Variants in ATP4A observed in about 807,000 individuals in gnomAD.
ATP4A encodes the protein ATPase H+/K+ transporting subunit alpha.
In ATP4A, 73 loss-of-function variants were observed where a neutral mutation model predicts 112.1. The ratio of observed to expected loss-of-function variants is 0.65; its 90% CI spans 0.54 to 0.79. The LOEUF (loss-of-function observed/expected upper bound fraction) is 0.79. ATP4A is among the 30% of genes least tolerant of loss of function. ATP4A has a pLI of 0.00. For synonymous variants in ATP4A, 588 were observed against 588.9 expected, an observed-to-expected ratio of 1.00 and a Z score of 0.02; for missense variants, 1,081 against 1,425.9, an observed-to-expected ratio of 0.76 and a Z score of 3.90.
At position 35,555,869 on chromosome 19, in the gene ATP4A, C is replaced by A; in HGVS notation, c.1870-57G>T. On this transcript the variant is annotated intron_variant, in intron 12 of 21. Transcript: ENST00000262623. This position sits in a 1 kb window ranked among gnomAD's most constrained non-coding sequence, Gnocchi z 6.6. ...TTCAGATCAGCCCAATCTCCCTGTCCTCCCTGGGAGACATCTGCTGATACA... is the reference window on the plus strand; with the variant it reads ...TTCAGATCAGCCCAATCTCCCTGTCATCCCTGGGAGACATCTGCTGATACA... 6.5e-7 allele frequency: 1 copy of A among 1,549,952 alleles called. No homozygotes were observed. The highest frequency in any genetic ancestry group is 8.8e-7 in the Non-Finnish European group (1 of 1,141,870).
rs2071603579 is a variant in ATP4A at position 35,551,772 on chromosome 19, G to A, written c.2752-192C>T. Among the ~76,000 whole-genome samples, 1 of 152,140 alleles carries A rather than the reference G, an allele frequency of 6.6e-6. No homozygotes were observed. Among genetic ancestry groups the A allele is most frequent in the South Asian group, 2.1e-4 (1 of 4,828 alleles). On this transcript the variant is annotated intron_variant, in intron 18 of 21. Transcript: ENST00000262623. This position sits in a 1 kb window ranked among gnomAD's most constrained non-coding sequence, Gnocchi z 5.2. Reference sequence around the variant, plus strand: ...AGGTGTGCAGGACCCCAGAACGTGGGGCCCAGAAACCTCAGCCTAGCAGAG... The same window carrying A: ...AGGTGTGCAGGACCCCAGAACGTGGAGCCCAGAAACCTCAGCCTAGCAGAG...
Position 35,555,770 on chromosome 19 carries a change from T to C in ATP4A, c.1912A>G (p.Ile638Val). The C allele has an allele frequency of 1.9e-6, 3 of 1,613,806 alleles. No homozygotes were observed. The highest frequency in any genetic ancestry group is 2.5e-6 in the Non-Finnish European group (3 of 1,179,752). ...TGDHPITAKA[I>V]AASVGIISEG... is the part of the protein sequence containing the mutation. ...GAGATGATGCCCACACTGGCTGCAA[T>C]GGCCTTGGCGGTGATGGGGTGGTCA... Residue 638 changes from isoleucine (I) to valine (V), a missense_variant, in exon 13 of 22, where the codon ATT (isoleucine) becomes GTT (valine). Physicochemically the swap from Ile to Val is conservative, Grantham distance 29. This residue lies in a region of ATP4A where 850 missense variants were observed against 1,068.2 expected (regional missense o/e 0.80). Transcript: ENST00000262623. This position sits in a 1 kb window ranked among gnomAD's most constrained non-coding sequence, Gnocchi z 6.6.
chr19:35,559,871 C>CGGG lies in ATP4A; in HGVS notation c.989_990insCCC (p.Arg330_Ala331insPro), dbSNP rs758752439. ...CGATGGCCATGAAGAAGACCATGGC[C>CGGG]CGCAGGAAGGTGTAGCCAATGCACA... On this transcript the variant is annotated inframe_insertion, in exon 7 of 22. Coordinates refer to ENST00000262623, the MANE Select transcript of ATP4A (RefSeq NM_000704.3). The surrounding 1 kb of genome is among the most constrained non-coding windows in gnomAD (Gnocchi z 4.1). 6.2e-7 allele frequency: 1 copy of CGGG among 1,614,192 alleles called. No homozygotes were observed.
In ATP4A at chr19:35,550,953, A is replaced by G; in HGVS notation, c.2988-28T>C. ...GAAGGCACATGGCAAGGTGAAGGCC[A>G]TCCCAGGCCTGTGCCCTACAGCCCC... On this transcript the variant is annotated intron_variant, in intron 20 of 21. Transcript: ENST00000262623. The surrounding 1 kb of genome is among the most constrained non-coding windows in gnomAD (Gnocchi z 4.1). The G allele has an allele frequency of 6.2e-7, 1 of 1,613,618 alleles. No individual in the cohort carries two copies.
chr19:35,551,141 T>G lies in ATP4A; in HGVS notation c.2886-30A>C. On this transcript the variant is annotated intron_variant, in intron 19 of 21. Transcript: ENST00000262623. The surrounding 1 kb of genome is among the most constrained non-coding windows in gnomAD (Gnocchi z 5.2). ...GGGTGGGCAGAATGGGACAGGCCAT[T>G]AGGAATTGGGGACGTGATGGAAATC... 1 of 1,576,028 alleles carries G rather than the reference T, an allele frequency of 6.3e-7. No homozygotes were observed. The highest frequency in any genetic ancestry group is 2.3e-5 in the East Asian group (1 of 42,906).
chr19:35,553,983 C>G, intron 16 of ATP4A, 154 bp from the exon 17 acceptor site: 5 of 1,130,190 alleles, frequency 4.4e-6, no homozygotes, highest in Non-Finnish European at 6.0e-6. Flanking sequence ...GCCTGGACAG[C>G]CTGGGCCCCA....
intron 3 of ATP4A, 34 bp from the exon 4 acceptor site, chr19:35,562,672 G>A (rs775259150): frequency 2.1e-5 from 33 of 1,545,342 alleles, no homozygotes; most frequent in Non-Finnish European, 2.8e-5. Flanking sequence ...GCGGTCCTGG[G>A]GGCTTTCCTC....
At position 35,550,959 on chromosome 19, in the gene ATP4A, G is replaced by C. The variant is rs964860973; in HGVS notation, c.2988-34C>G. ...ACATGGCAAGGTGAAGGCCATCCCA[G>C]GCCTGTGCCCTACAGCCCCCTCCCT... is the stretch of plus-strand genomic sequence containing the variant. On this transcript the variant is annotated intron_variant, in intron 20 of 21. Transcript: ENST00000262623. This position sits in a 1 kb window ranked among gnomAD's most constrained non-coding sequence, Gnocchi z 4.1. 1.2e-6 allele frequency: 2 copies of C among 1,613,426 alleles called. No homozygotes were observed. The highest frequency in any genetic ancestry group is 1.3e-5 in the African/African-American group (1 of 74,940).
chr19:35,560,146 GACAGCCAGTC>G lies in ATP4A; in HGVS notation c.788-83_788-74del. On this transcript the variant is annotated intron_variant, in intron 6 of 21. Coordinates refer to ENST00000262623, the MANE Select transcript of ATP4A (RefSeq NM_000704.3). This position sits in a 1 kb window ranked among gnomAD's most constrained non-coding sequence, Gnocchi z 5.1. ...GTGTGCACTGCCGTGTGAGCTGAAG[GACAGCCAGTC>G]ACTGCCAGTGGAGGATGTGACCTGG... 1 of 1,579,862 alleles carries G rather than the reference GACAGCCAGTC, an allele frequency of 6.3e-7. No individual in the cohort carries two copies. Among genetic ancestry groups the G allele is most frequent in the Non-Finnish European group, 8.6e-7 (1 of 1,160,506 alleles).
In ATP4A at chr19:35,550,376, C is replaced by T. The variant is rs896903856; in HGVS notation, c.*239G>A. On this transcript the variant is annotated 3_prime_UTR_variant, in exon 22 of 22. Coordinates refer to ENST00000262623, the MANE Select transcript of ATP4A (RefSeq NM_000704.3). The surrounding 1 kb of genome is among the most constrained non-coding windows in gnomAD (Gnocchi z 4.1). ...CCGCCACCACAGGTGGCGGCTTTCC[C>T]GAGGCCAGCCCAGAGGACTGCCCAG... 8.7e-6 allele frequency: 5 copies of T among 575,406 alleles called. No homozygotes were observed. The highest frequency in any genetic ancestry group is 8.4e-5 in the South Asian group (4 of 47,768). 35.6% of individuals were successfully genotyped at this position (575,406 alleles called of 1,614,324 possible).
At chr19:35,554,089 T>C (rs1261208013) in intron 16 of ATP4A, among the ~76,000 whole-genome samples, 1 of 152,236 alleles carries the variant, frequency 6.6e-6, no homozygotes, top group Non-Finnish European at 1.5e-5. Context: ...TCTCTGTTCC[T>C]CACTCTGTTT....
In ATP4A at chr19:35,551,190, T is replaced by A; in HGVS notation, c.2886-79A>T. On this transcript the variant is annotated intron_variant, in intron 19 of 21. Coordinates refer to ENST00000262623, the MANE Select transcript of ATP4A (RefSeq NM_000704.3). The surrounding 1 kb of genome is among the most constrained non-coding windows in gnomAD (Gnocchi z 5.2). The stretch of plus-strand genomic sequence containing the variant: ...TCAGGATACTGTGGGTCAAAGTAGG[T>A]CAGATGTCAGCAGCAGCAGGGAGGT... The A allele has an allele frequency of 7.1e-7, 1 of 1,407,712 alleles. No homozygotes were observed. The highest frequency in any genetic ancestry group is 1.2e-5 in the South Asian group (1 of 80,432). The allele number at this position is 1,407,712 out of a possible 1,614,324, so 87.2% of individuals were successfully genotyped here. A position where few individuals can be genotyped will look rare whatever the true frequency, so the allele number is the denominator to read the frequency against.
At position 35,550,128 on chromosome 19, in the gene ATP4A, T is replaced by G. The variant is rs2733744; in HGVS notation, c.*487A>C. The G allele has an allele frequency of 0.11, 20,424 of 183,352 alleles. 1,414 individuals carry two copies. Among genetic ancestry groups the G allele is most frequent in the Middle Eastern group, 0.15 (60 of 402 alleles). The allele number at this position is 183,352 out of a possible 1,614,324, so 11.4% of individuals were successfully genotyped here. ...TGCAGCCCTGGATAAACAGCCCCCATGTACAGGACTGTGGGAGATCACAAG... is the reference window on the plus strand; with the variant it reads ...TGCAGCCCTGGATAAACAGCCCCCAGGTACAGGACTGTGGGAGATCACAAG... On this transcript the variant is annotated 3_prime_UTR_variant, in exon 22 of 22. Coordinates refer to ENST00000262623, the MANE Select transcript of ATP4A (RefSeq NM_000704.3). The surrounding 1 kb of genome is among the most constrained non-coding windows in gnomAD (Gnocchi z 4.1).
In ATP4A at chr19:35,560,223, T is replaced by C; in HGVS notation, c.787+140A>G. ...TGGGAGACAGAGAAGCAGTGTGCCC[T>C]GGGGAGGTGGCAGTCACGGGGAGGT... On this transcript the variant is annotated intron_variant, in intron 6 of 21. Transcript: ENST00000262623. This position sits in a 1 kb window ranked among gnomAD's most constrained non-coding sequence, Gnocchi z 5.1. 6.6e-7 allele frequency: 1 copy of C among 1,523,322 alleles called. No homozygotes were observed. Among genetic ancestry groups the C allele is most frequent in the Non-Finnish European group, 8.9e-7 (1 of 1,124,998 alleles). The allele number at this position is 1,523,322 out of a possible 1,614,324, so 94.4% of individuals were successfully genotyped here. A position where few individuals can be genotyped will look rare whatever the true frequency, so the allele number is the denominator to read the frequency against.
Position 35,558,543 on chromosome 19 carries a change from T to C in ATP4A, c.1365+34A>G. The C allele has an allele frequency of 1.9e-6, 3 of 1,590,130 alleles. No homozygotes were observed. Among genetic ancestry groups the C allele is most frequent in the Non-Finnish European group, 2.6e-6 (3 of 1,169,010 alleles). On this transcript the variant is annotated intron_variant, in intron 9 of 21. Transcript: ENST00000262623. This position sits in a 1 kb window ranked among gnomAD's most constrained non-coding sequence, Gnocchi z 5.1. ...AGGGGCGAAGCCGGCTACACCAGCC[T>C]CCCGGGATTCCCTGGAGGCCCCCTG...
Position 35,558,465 on chromosome 19 carries a change from G to T in ATP4A, c.1397C>A (p.Ala466Glu). Residue 466 changes from alanine (A) to glutamate (E), a missense_variant, in exon 10 of 22, where the codon GCG (alanine) becomes GAG (glutamate). This residue lies in a region of ATP4A where 850 missense variants were observed against 1,068.2 expected (regional missense o/e 0.80). Coordinates refer to ENST00000262623, the MANE Select transcript of ATP4A (RefSeq NM_000704.3). This position sits in a 1 kb window ranked among gnomAD's most constrained non-coding sequence, Gnocchi z 5.1. ...RIVIGDASET[A>E]LLKFSELTLG... The stretch of plus-strand genomic sequence containing the variant: ...CGTCAGCTCCGAGAACTTGAGCAGC[G>T]CCGTCTCCGATGCGTCTCCAATCAC... The T allele has an allele frequency of 6.2e-7, 1 of 1,600,362 alleles. No homozygotes were observed. Among genetic ancestry groups the T allele is most frequent in the South Asian group, 1.1e-5 (1 of 88,888 alleles).
chr19:35,551,099 C>A lies in ATP4A; in HGVS notation c.2898G>T (p.Leu966=), dbSNP rs769733660. The change falls in exon 20 of 22, where the codon CTG becomes CTT. Residue 966 remains leucine, a synonymous_variant. Transcript: ENST00000262623. This position sits in a 1 kb window ranked among gnomAD's most constrained non-coding sequence, Gnocchi z 5.2. ...AGACCTGGAACACGATGGCGATCAC[C>A]AGGATCTTATTCCTGGGGGTGGGCA... ...FQQGFFRNKI[L]VIAIVFQVCI... The A allele has an allele frequency of 6.2e-7, 1 of 1,609,438 alleles. No homozygotes were observed. The highest frequency in any genetic ancestry group is 2.2e-5 in the East Asian group (1 of 44,640).
rs2146305284 is a variant in ATP4A at position 35,550,889 on chromosome 19, G to A, written c.3024C>T (p.Ile1008=). 1 of 1,614,234 alleles carries A rather than the reference G, an allele frequency of 6.2e-7. No individual in the cohort carries two copies. Among genetic ancestry groups the A allele is most frequent in the Non-Finnish European group, 8.5e-7 (1 of 1,180,032 alleles). The change falls in exon 21 of 22, where the codon ATC becomes ATT. Residue 1008 remains isoleucine (I), a synonymous_variant. Transcript: ENST00000262623. This position sits in a 1 kb window ranked among gnomAD's most constrained non-coding sequence, Gnocchi z 4.1. Reference sequence around the variant, plus strand: ...GGATCTCATCATAGACGAAGATGAGGATGCCGTAGGGCAGGGGGACCAGCC... The same window carrying A: ...GGATCTCATCATAGACGAAGATGAGAATGCCGTAGGGCAGGGGGACCAGCC... ...QWWLVPLPYG[I]LIFVYDEIRK...
chr19:35,552,268 T>C (rs142027918), intron 18 of ATP4A, among the ~76,000 whole-genome samples: 2 of 152,228 alleles, frequency 1.3e-5, no homozygotes, highest in African/African-American at 4.8e-5. Flanking sequence ...AGGTGCCGAG[T>C]GTTGCACGTG....
Sources: allele counts gnomAD v4.1 joint callset (sites outside exome capture counted in the v4.1 genomes callset), GRCh38; gene constraint gnomAD v4.1.1; regional missense constraint gnomAD v4.1.1; non-coding constraint Gnocchi (gnomAD v3.1); transcripts MANE v1.5; gene names NCBI Gene and HGNC (gene_info 2026-07-23, HGNC 2026-07-21).